Variants in PIP5K1B observed in about 807,000 individuals in gnomAD.
PIP5K1B encodes phosphatidylinositol 4-phosphate 5-kinase type-1 beta.
Under a neutral mutation model 67.0 loss-of-function variants are expected in PIP5K1B, and 42 were observed. The ratio of observed to expected loss-of-function variants is 0.63; its 90% CI spans 0.49 to 0.81. PIP5K1B has a LOEUF of 0.81. Ranked by LOEUF, PIP5K1B falls within the 30% of genes least tolerant of loss-of-function variation. The pLI, the probability that PIP5K1B is intolerant of heterozygous loss-of-function variation, is 0.00. For synonymous variants in PIP5K1B, 214 were observed against 231.4 expected (o/e 0.92, Z 0.68); for missense variants, 459 against 646.3 (o/e 0.71, Z 3.14).
chr9:68,823,857 A>G (rs1391732711), intron 4 of PIP5K1B, among the ~76,000 whole-genome samples: 2 of 152,144 alleles, frequency 1.3e-5, no homozygotes, highest in African/African-American at 2.4e-5. Flanking sequence ...AACTAGCATG[A>G]TGTATTTTCT....
At chr9:68,882,736 A>G (rs1054883559) in intron 6 of PIP5K1B, among the ~76,000 whole-genome samples, 1 of 152,236 alleles carries the variant, frequency 6.6e-6, no homozygotes, top group African/African-American at 2.4e-5. Flanking sequence ...ATGCCATGGA[A>G]CAAAGAATCC....
chr9:68,839,956 G>A (rs1436936124), intron 4 of PIP5K1B, among the ~76,000 whole-genome samples: 1 of 152,152 alleles, frequency 6.6e-6, no homozygotes, highest in African/African-American at 2.4e-5. Context: ...CACTTTCTGG[G>A]ACCACACAGA....
chr9:68,913,907 A>T (rs1405342048), intron 8 of PIP5K1B, among the ~76,000 whole-genome samples: 1 of 152,104 alleles, frequency 6.6e-6, no homozygotes, highest in East Asian at 1.9e-4. Context: ...GGATCAGGAT[A>T]GTGTCTTACT....
At chr9:68,784,175 C>T (rs1027357694) in intron 2 of PIP5K1B, 5 of 167,072 alleles carry the variant, frequency 3.0e-5, no homozygotes, top group Admixed American at 1.3e-4. Context: ...TAGTATTGTT[C>T]ATAACGTCCA....
At chr9:68,877,628 C>T (rs888181792) in intron 6 of PIP5K1B, among the ~76,000 whole-genome samples, 3 of 152,034 alleles carry the variant, frequency 2.0e-5, no homozygotes, top group Non-Finnish European at 4.4e-5. Flanking sequence ...TATAGCAACA[C>T]GTGTAACAAA....
At chr9:68,836,086 G>A (rs927596144) in intron 4 of PIP5K1B, among the ~76,000 whole-genome samples, 1 of 152,110 alleles carries the variant, frequency 6.6e-6, no homozygotes, top group Non-Finnish European at 1.5e-5. Context: ...GAGGGTGTAT[G>A]GTTGAAGACA....
At chr9:68,981,668 C>T (rs965426069) in intron 14 of PIP5K1B, among the ~76,000 whole-genome samples, 1 of 152,190 alleles carries the variant, frequency 6.6e-6, no homozygotes, top group African/African-American at 2.4e-5. Flanking sequence ...CTATAAAACA[C>T]TCATTAGGTC....
chr9:68,846,500 G>A (rs557902059), intron 4 of PIP5K1B, among the ~76,000 whole-genome samples: 69 of 152,270 alleles, frequency 4.5e-4, no homozygotes, highest in African/African-American at 1.4e-3. Context: ...TACATCTGCT[G>A]GATCTATTCT....
rs1158454811 is a variant in PIP5K1B at position 68,903,839 on chromosome 9, A to G, written c.771+9201A>G. Reference sequence around the variant, plus strand: ...GATATAACCTATAGATACCAAAGTAACTTAACATGTAAAACAAATCATATG... The same window carrying G: ...GATATAACCTATAGATACCAAAGTAGCTTAACATGTAAAACAAATCATATG... On this transcript the variant is annotated intron_variant, in intron 8 of 15. Transcript: ENST00000265382. Among the ~76,000 whole-genome samples the G allele has an allele frequency of 2.0e-5, 3 of 152,350 alleles. No individual in the cohort carries two copies. The East Asian group carries it at 5.8e-4, about 29-fold the overall frequency.
chr9:68,783,266 C>T (rs560459167), intron 2 of PIP5K1B: 10 of 167,016 alleles, frequency 6.0e-5, no homozygotes, highest in Non-Finnish European at 4.4e-5. Context: ...ATCTCTGTTC[C>T]AGTATACATC....
intron 4 of PIP5K1B, among the ~76,000 whole-genome samples, chr9:68,826,374 A>C (rs1235814009): frequency 1.3e-5 from 2 of 152,242 alleles, no homozygotes; most frequent in Non-Finnish European, 2.9e-5. Context: ...CAACAGAGCT[A>C]TGAATGAATG....
intron 12 of PIP5K1B, among the ~76,000 whole-genome samples, chr9:68,933,960 A>G (rs768534547): frequency 4.6e-5 from 7 of 152,176 alleles, no homozygotes; most frequent in Non-Finnish European, 8.8e-5. Context: ...ACTCTAATAC[A>G]CTTACTATCA....
At chr9:68,731,549 G>T (rs183356570) in intron 1 of PIP5K1B, among the ~76,000 whole-genome samples, 1 of 152,332 alleles carries the variant, frequency 6.6e-6, no homozygotes, top group African/African-American at 2.4e-5. Context: ...AGACTGAGTG[G>T]GTGGTTGGGG....
At chr9:68,727,823 T>C (rs1440151538) in intron 1 of PIP5K1B, 2 of 152,248 alleles carry the variant, frequency 1.3e-5, no homozygotes, top group African/African-American at 4.8e-5. Flanking sequence ...AAGGTAGGTG[T>C]GATACCCCAC....
chr9:68,989,572 A>G (rs1158537667), intron 14 of PIP5K1B, among the ~76,000 whole-genome samples: 4 of 151,766 alleles, frequency 2.6e-5, no homozygotes, highest in African/African-American at 9.7e-5. Flanking sequence ...ATTTTGTTCC[A>G]GCAAAACCTT....
chr9:68,809,453 T>A (rs536668019), intron 2 of PIP5K1B, among the ~76,000 whole-genome samples: 4 of 152,342 alleles, frequency 2.6e-5, no homozygotes, highest in African/African-American at 9.6e-5. Flanking sequence ...CATGAATCCA[T>A]ATAAATTTCC....
intron 14 of PIP5K1B, among the ~76,000 whole-genome samples, chr9:68,988,964 G>A (rs572789871): frequency 9.9e-5 from 15 of 151,632 alleles, no homozygotes; most frequent in East Asian, 2.0e-4. Context: ...ACGTGGTGGC[G>A]GGCGCCTGTA....
intron 4 of PIP5K1B, among the ~76,000 whole-genome samples, chr9:68,845,905 G>T (rs2132175400): frequency 6.6e-6 from 1 of 152,310 alleles, no homozygotes; most frequent in Middle Eastern, 3.4e-3. Flanking sequence ...TGAACTTTGT[G>T]TATGTTAGTC....
intron 4 of PIP5K1B, among the ~76,000 whole-genome samples, chr9:68,856,216 T>G (rs1003879649): frequency 1.3e-5 from 2 of 152,210 alleles, no homozygotes; most frequent in African/African-American, 4.8e-5. Flanking sequence ...ACCCGACTAA[T>G]GAACTCATAT....
Sources: allele counts gnomAD v4.1 joint callset (sites outside exome capture counted in the v4.1 genomes callset), GRCh38; gene constraint gnomAD v4.1.1; transcripts MANE v1.5; gene names NCBI Gene and HGNC (gene_info 2026-07-23, HGNC 2026-07-21).